The following LHFPL3 variants were observed in gnomAD, a reference collection of about 807,000 sequenced individuals.
LHFPL3 encodes the protein LHFPL tetraspan subfamily member 3.
Under a neutral mutation model 19.3 loss-of-function variants are expected in LHFPL3, and 5 were observed. That is an observed-to-expected ratio of 0.26 (90% CI 0.14 to 0.54). The LOEUF (loss-of-function observed/expected upper bound fraction) is 0.54. Among genes scored for constraint, LHFPL3 ranks in the 20% least tolerant of loss-of-function variants. LHFPL3 has a pLI of 0.94. For synonymous variants in LHFPL3, 133 were observed against 126.2 expected (o/e 1.05, Z -0.36); for missense variants, 249 against 307.4 (o/e 0.81, Z 1.42).
chr7:104,811,283 C>T (rs1790465607), intron 2 of LHFPL3, among the ~76,000 whole-genome samples: 1 of 152,058 alleles, frequency 6.6e-6, no homozygotes. Flanking sequence ...TAGCCTCAAC[C>T]TCCCAGGCTC....
chr7:104,593,140 A>G (rs570830638), intron 1 of LHFPL3, among the ~76,000 whole-genome samples: 9 of 152,070 alleles, frequency 5.9e-5, no homozygotes, highest in Admixed American at 2.6e-4. Context: ...TAGGGTGTCA[A>G]TTTTAGATCT....
chr7:104,332,185 A>G (rs1477978204), intron 1 of LHFPL3, among the ~76,000 whole-genome samples: 1 of 142,132 alleles, frequency 7.0e-6, no homozygotes, highest in Non-Finnish European at 1.5e-5. Flanking sequence ...CTAACATCCT[A>G]TATGTAGTCA....
At chr7:104,521,442 G>A (rs13231706) in intron 1 of LHFPL3, among the ~76,000 whole-genome samples, 19,737 of 152,134 alleles carry the variant, frequency 0.13, 1,435 homozygotes, top group South Asian at 0.17. Flanking sequence ...GGGGTGGAGA[G>A]TTCTGTAGGC....
chr7:104,470,319 C>G (rs1421021553), intron 1 of LHFPL3, among the ~76,000 whole-genome samples: 14 of 152,232 alleles, frequency 9.2e-5, no homozygotes, highest in Admixed American at 9.2e-4. Context: ...ATGTCACAGG[C>G]AGAGGCTAAT....
intron 1 of LHFPL3, among the ~76,000 whole-genome samples, chr7:104,712,754 G>A (rs1793320035): frequency 6.6e-6 from 1 of 152,174 alleles, no homozygotes; most frequent in Non-Finnish European, 1.5e-5. Context: ...AGAACTAAAA[G>A]ATAGTAAGTA....
In LHFPL3 at chr7:104,642,537, C is replaced by T. The variant is rs57120228; in HGVS notation, c.446-94138C>T. ...ACTGAAAATTTTTGTTTACTTCCCC[C>T]TTCAATTTCTAGAGCTCAGTATAAG... On this transcript the variant is annotated intron_variant, in intron 1 of 2. Coordinates refer to ENST00000424859, the MANE Select transcript of LHFPL3 (RefSeq NM_199000.3). Among the ~76,000 whole-genome samples, 682 of 152,192 alleles carry T rather than the reference C, an allele frequency of 4.5e-3. 40 individuals are homozygous for T. In the East Asian group the frequency reaches 0.11, roughly 25 times the overall value.
At chr7:104,809,782 T>C (rs529561883) in intron 2 of LHFPL3, among the ~76,000 whole-genome samples, 1 of 152,188 alleles carries the variant, frequency 6.6e-6, no homozygotes, top group Non-Finnish European at 1.5e-5. Flanking sequence ...CTGGATTGAG[T>C]GTTAGCCATT....
chr7:104,450,588 G>A (rs10232719), intron 1 of LHFPL3, among the ~76,000 whole-genome samples: 27,673 of 151,996 alleles, frequency 0.18, 2,535 homozygotes, highest in African/African-American at 0.21. Context: ...TGGGGGACTG[G>A]GGGAGGGAGA....
chr7:104,331,899 G>A (rs1228247015), intron 1 of LHFPL3, among the ~76,000 whole-genome samples: 1 of 151,644 alleles, frequency 6.6e-6, no homozygotes, highest in African/African-American at 2.4e-5. Flanking sequence ...GCAGTGAGCC[G>A]AGATTGCACC....
At chr7:104,424,026 G>A (rs1584310110) in intron 1 of LHFPL3, among the ~76,000 whole-genome samples, 1 of 152,044 alleles carries the variant, frequency 6.6e-6, no homozygotes, top group Non-Finnish European at 1.5e-5. Context: ...ATGTACCCTA[G>A]CATGCCCTTT....
intron 2 of LHFPL3, among the ~76,000 whole-genome samples, chr7:104,742,724 TA>T (rs1793958401): frequency 6.6e-6 from 1 of 152,206 alleles, no homozygotes; most frequent in Non-Finnish European, 1.5e-5. Context: ...ATTTCAATTC[TA>T]TGGATATCTT....
intron 1 of LHFPL3, among the ~76,000 whole-genome samples, chr7:104,606,992 A>G (rs1217362522): frequency 1.3e-5 from 2 of 152,156 alleles, no homozygotes; most frequent in South Asian, 2.1e-4. Flanking sequence ...TACAATACTG[A>G]TGTTATCTAT....
In LHFPL3 at chr7:104,908,197, T is replaced by G. The variant is rs545160160; in HGVS notation, c.*1982T>G. Among the ~76,000 whole-genome samples, 4 of 152,328 alleles carry G rather than the reference T, an allele frequency of 2.6e-5. No homozygotes were observed. Among genetic ancestry groups the G allele is most frequent in the African/African-American group, 7.2e-5 (3 of 41,584 alleles). Reference sequence around the variant, plus strand: ...GAGTCCTACATCACTAACAGTGGTATGAACAAAACTAAGAAAGTACTTCCT... The same window carrying G: ...GAGTCCTACATCACTAACAGTGGTAGGAACAAAACTAAGAAAGTACTTCCT... On this transcript the variant is annotated 3_prime_UTR_variant, in exon 3 of 3. Coordinates refer to ENST00000424859, the MANE Select transcript of LHFPL3 (RefSeq NM_199000.3).
At chr7:104,535,066 C>G (rs902390011) in intron 1 of LHFPL3, among the ~76,000 whole-genome samples, 5 of 152,154 alleles carry the variant, frequency 3.3e-5, no homozygotes, top group Admixed American at 2.6e-4. Context: ...CTCTTTCTGT[C>G]ATGTTTTTGG....
At chr7:104,371,431 C>T (rs147200000) in intron 1 of LHFPL3, among the ~76,000 whole-genome samples, 2,023 of 152,262 alleles carry the variant, frequency 0.013, 20 homozygotes, top group Non-Finnish European at 0.022. Flanking sequence ...TGGCAACAGG[C>T]TAATTCACGT....
intron 1 of LHFPL3, among the ~76,000 whole-genome samples, chr7:104,499,714 G>A (rs1436964048): frequency 6.6e-6 from 1 of 152,042 alleles, no homozygotes; most frequent in Non-Finnish European, 1.5e-5. Flanking sequence ...CTTTTTATTG[G>A]GACGCTTAAA....
At chr7:104,542,449 T>C (rs1794503621) in intron 1 of LHFPL3, among the ~76,000 whole-genome samples, 3 of 152,122 alleles carry the variant, frequency 2.0e-5, no homozygotes, top group Non-Finnish European at 2.9e-5. Flanking sequence ...GTGGGGACTG[T>C]TATCCAAAAG....
At chr7:104,353,093 G>A (rs1474192365) in intron 1 of LHFPL3, among the ~76,000 whole-genome samples, 1 of 152,180 alleles carries the variant, frequency 6.6e-6, no homozygotes, top group Non-Finnish European at 1.5e-5. Context: ...TGCAATGTAT[G>A]TATAAGGAAG....
chr7:104,595,558 T>C (rs1361938318), intron 1 of LHFPL3, among the ~76,000 whole-genome samples: 12 of 152,218 alleles, frequency 7.9e-5, no homozygotes, highest in Admixed American at 5.2e-4. Context: ...TTCTCAGAGC[T>C]CAAACACAGT....
Sources: gnomAD v4.1 joint callset for allele counts (sites outside exome capture counted in the v4.1 genomes callset) on GRCh38, gnomAD v4.1.1 for gene constraint, MANE v1.5 for transcripts, NCBI Gene and HGNC (gene_info 2026-07-23, HGNC 2026-07-21) for gene names.